The following JAKMIP2 variants were observed in gnomAD, a reference collection of about 807,000 sequenced individuals.
JAKMIP2 encodes the protein janus kinase and microtubule interacting protein 2, also known as janus kinase and microtubule-interacting protein 2.
A neutral mutation model predicts 115.0 loss-of-function variants in JAKMIP2; 25 were observed. The ratio of observed to expected loss-of-function variants is 0.22; its 90% confidence interval spans 0.16 to 0.30. JAKMIP2 has a LOEUF of 0.30. Ranked by LOEUF, JAKMIP2 falls within the 10% of genes least tolerant of loss-of-function variation. The pLI is 1.00. For missense variants in JAKMIP2, 642 were observed against 957.6 expected, an observed-to-expected ratio of 0.67 and a Z score of 4.35; for synonymous variants, 334 against 343.6, an observed-to-expected ratio of 0.97 and a Z score of 0.31.
intron 2 of JAKMIP2, among the ~76,000 whole-genome samples, chr5:147,664,846 G>A (rs983498069): frequency 2.6e-5 from 4 of 152,064 alleles, no homozygotes; most frequent in Admixed American, 1.3e-4. Context: ...GTAGAACTAA[G>A]GATGTATGCT....
At chr5:147,621,783 T>C (rs1270930214) in intron 17 of JAKMIP2, among the ~76,000 whole-genome samples, 1 of 152,192 alleles carries the variant, frequency 6.6e-6, no homozygotes, top group Admixed American at 6.5e-5. Flanking sequence ...CAAATGCAAG[T>C]TGTTTTTATA....
intron 21 of JAKMIP2, among the ~76,000 whole-genome samples, chr5:147,599,125 A>G (rs922256430): frequency 6.6e-6 from 1 of 152,210 alleles, no homozygotes; most frequent in East Asian, 1.9e-4. Context: ...GAATACTAGT[A>G]TAATTTAGTG....
At chr5:147,593,144 C>T (rs113160909) in intron 21 of JAKMIP2, among the ~76,000 whole-genome samples, 1,899 of 152,320 alleles carry the variant, frequency 0.012, 42 homozygotes, top group African/African-American at 0.043. Flanking sequence ...AGGGCAGAGA[C>T]AGGCGCTACA....
intron 1 of JAKMIP2, among the ~76,000 whole-genome samples, chr5:147,682,609 AC>A (rs1218519634): frequency 1.3e-5 from 2 of 152,230 alleles, no homozygotes; most frequent in Non-Finnish European, 2.9e-5. Context: ...AACAATGACT[AC>A]CATGAAGTTC....
At chr5:147,643,747 T>C (rs1757987501) in intron 7 of JAKMIP2, among the ~76,000 whole-genome samples, 1 of 152,214 alleles carries the variant, frequency 6.6e-6, no homozygotes, top group South Asian at 2.1e-4. Flanking sequence ...ATCCTGCTAC[T>C]GGAAGGCAGT....
In JAKMIP2 at chr5:147,671,701, C is replaced by G. The variant is rs1162430785; in HGVS notation, c.106G>C (p.Glu36Gln). The stretch of plus-strand genomic sequence containing the variant: ...ACCTTGGACTTCTCTTGATGCAGCT[C>G]TATCTGAATGTCTGTGAGCTTGGTC... ...LRTKLTDIQI[E>Q]LHQEKSKVSK... The change falls in exon 2 of 22, where the codon GAG becomes CAG. Residue 36 changes from glutamate to glutamine, a missense_variant. Transcript: ENST00000616793. 6.4e-7 allele frequency: 1 copy of G among 1,551,710 alleles called. No individual in the cohort carries two copies. The highest frequency in any genetic ancestry group is 1.9e-5 in the Admixed American group (1 of 53,268).
chr5:147,609,557 T>C (rs1241777867), intron 20 of JAKMIP2, among the ~76,000 whole-genome samples: 1 of 152,260 alleles, frequency 6.6e-6, no homozygotes, highest in African/African-American at 2.4e-5. Context: ...GTTAGTCTGA[T>C]GGGCTTCCCT....
chr5:147,614,413 T>C (rs1756475323), intron 19 of JAKMIP2, among the ~76,000 whole-genome samples: 1 of 152,244 alleles, frequency 6.6e-6, no homozygotes, highest in Admixed American at 6.5e-5. Flanking sequence ...ACTTGATTTC[T>C]TTTTGCTTCC....
chr5:147,709,510 T>C (rs1752702019), intron 1 of JAKMIP2, among the ~76,000 whole-genome samples: 1 of 152,222 alleles, frequency 6.6e-6, no homozygotes, highest in African/African-American at 2.4e-5. Flanking sequence ...GTATTTTGTA[T>C]ATCGATGACT....
At chr5:147,677,663 A>C (rs755302233) in intron 1 of JAKMIP2, among the ~76,000 whole-genome samples, 3 of 152,202 alleles carry the variant, frequency 2.0e-5, no homozygotes, top group African/African-American at 7.2e-5. Context: ...CTTGATAAAC[A>C]AATTTTCAGG....
intron 1 of JAKMIP2, among the ~76,000 whole-genome samples, chr5:147,676,135 C>T (rs1312328593): frequency 1.3e-5 from 2 of 152,106 alleles, no homozygotes; most frequent in African/African-American, 4.8e-5. Flanking sequence ...AGATCAAGAC[C>T]ATGCTGGCTA....
chr5:147,683,749 T>C (rs111476202), intron 1 of JAKMIP2, among the ~76,000 whole-genome samples: 17 of 152,242 alleles, frequency 1.1e-4, no homozygotes, highest in African/African-American at 4.1e-4. Flanking sequence ...TGAGCAGAAA[T>C]GTCTATATAT....
At chr5:147,685,533 G>A (rs544256801) in intron 1 of JAKMIP2, among the ~76,000 whole-genome samples, 67 of 152,208 alleles carry the variant, frequency 4.4e-4, no homozygotes, top group African/African-American at 1.4e-3. Context: ...GCCTTACTCC[G>A]GAGCCTATAA....
intron 1 of JAKMIP2, among the ~76,000 whole-genome samples, chr5:147,765,051 G>A (rs1475649927): frequency 3.5e-5 from 5 of 143,328 alleles, no homozygotes; most frequent in Non-Finnish European, 6.1e-5. Flanking sequence ...AAAGAGAGAA[G>A]AGAGAAGGAA....
At chr5:147,702,627 A>AGAAG (rs1491373741) in intron 1 of JAKMIP2, among the ~76,000 whole-genome samples, 144 of 126,214 alleles carry the variant, frequency 1.1e-3, no homozygotes, top group African/African-American at 1.3e-3. Flanking sequence ...AAAGAAAGAA[A>AGAAG]GAAAGAAAGA....
At chr5:147,709,262 G>A (rs940285757) in intron 1 of JAKMIP2, among the ~76,000 whole-genome samples, 4 of 152,094 alleles carry the variant, frequency 2.6e-5, no homozygotes, top group Admixed American at 2.6e-4. Flanking sequence ...AGAATGTTAT[G>A]GATTTGTATT....
intron 1 of JAKMIP2, among the ~76,000 whole-genome samples, chr5:147,755,633 A>G (rs2127033352): frequency 6.6e-6 from 1 of 152,252 alleles, no homozygotes; most frequent in Admixed American, 6.5e-5. Context: ...TAACCAAGGC[A>G]GATTAACTTT....
chr5:147,711,231 CATA>C (rs920690253), intron 1 of JAKMIP2, among the ~76,000 whole-genome samples: 1 of 152,128 alleles, frequency 6.6e-6, no homozygotes, highest in African/African-American at 2.4e-5. Flanking sequence ...GCCTTAAAGT[CATA>C]ATGAGGTTGT....
At chr5:147,660,673 C>T (rs1160894778) in intron 3 of JAKMIP2, 2 of 435,784 alleles carry the variant, frequency 4.6e-6, no homozygotes, top group Non-Finnish European at 8.4e-6. Context: ...CTTGGAGATA[C>T]TTTCCATATA....
Sources: gnomAD v4.1 joint callset for allele counts (sites outside exome capture counted in the v4.1 genomes callset) on GRCh38, gnomAD v4.1.1 for gene constraint, MANE v1.5 for transcripts, NCBI Gene and HGNC (gene_info 2026-07-23, HGNC 2026-07-21) for gene names.